FAXDC2: variants seen among roughly 807,000 people sequenced by gnomAD.
FAXDC2 encodes the protein fatty acid hydroxylase domain-containing protein 2.
A neutral mutation model predicts 40.9 loss-of-function variants in FAXDC2; 41 were observed. That is an observed-to-expected ratio of 1.00 (90% CI 0.78 to 1.30). FAXDC2 has a LOEUF of 1.30. Ranked by LOEUF, FAXDC2 falls within the 50% of genes most tolerant of loss-of-function variation. The pLI is 0.00. For missense variants in FAXDC2, 390 were observed against 408.8 expected (o/e 0.95, Z 0.40); for synonymous variants, 157 against 149.3 (o/e 1.05, Z -0.38).
chr5:154,821,463 G>A (rs1416114313), intron 7 of FAXDC2, 37 bp from the exon 8 acceptor site: 1 of 1,568,884 alleles, frequency 6.4e-7, no homozygotes, highest in Non-Finnish European at 8.7e-7. Context: ...AGGGTCCAGG[G>A]AGATGAAGGG....
rs527951462 is a variant in FAXDC2, at chr5:154,830,000, G to C, written c.366+801C>G. ...TTCAAAGGAGTGGGTCAAGAGCACT[G>C]TTTGCCTTTCTGGAGTGCTGGGCTG... On this transcript the variant is annotated intron_variant, in intron 5 of 8. Transcript: ENST00000326080. 2.9e-3 allele frequency among the ~76,000 whole-genome samples: 448 copies of C among 152,340 alleles called. 2 individuals are homozygous for C. The highest frequency in any genetic ancestry group is 0.011 in the African/African-American group (441 of 41,582).
intron 5 of FAXDC2, chr5:154,824,134 C>G (rs927741029): frequency 1.5e-5 from 4 of 265,652 alleles, no homozygotes; most frequent in African/African-American, 8.7e-5. Flanking sequence ...GACCAACTTG[C>G]TGGTTTTCAC....
chr5:154,828,994 A>C (rs1760121071), intron 5 of FAXDC2, among the ~76,000 whole-genome samples: 1 of 147,966 alleles, frequency 6.8e-6, no homozygotes, highest in South Asian at 2.1e-4. Flanking sequence ...ATCTCGGCTC[A>C]CTGTAACCTC....
intron 5 of FAXDC2, among the ~76,000 whole-genome samples, chr5:154,826,779 T>G (rs1272442664): frequency 6.6e-6 from 1 of 152,020 alleles, no homozygotes; most frequent in East Asian, 1.9e-4. Flanking sequence ...TGTGATTACT[T>G]TAGGAGAGAT....
At chr5:154,843,089 G>A (rs1760519878) in intron 1 of FAXDC2, among the ~76,000 whole-genome samples, 1 of 152,206 alleles carries the variant, frequency 6.6e-6, no homozygotes, top group Admixed American at 6.5e-5. Flanking sequence ...ACGTTAGTGT[G>A]GATTTCCCTC....
chr5:154,833,717 G>A (rs1760249872), intron 4 of FAXDC2, among the ~76,000 whole-genome samples: 1 of 151,106 alleles, frequency 6.6e-6, no homozygotes, highest in Non-Finnish European at 1.5e-5. Flanking sequence ...TCGCCCAGCT[G>A]GAGTGCAGTG....
In FAXDC2 at chr5:154,822,550, C is replaced by CTTGTAGAATGTTGGGTGGTGA; in HGVS notation, c.579_599dup (p.Tyr199_Lys200insAsnHisHisProThrPheTyr). On this transcript the variant is annotated inframe_insertion, in exon 7 of 9. Transcript: ENST00000326080. ...ACTCATGGTGTTTCTTGTGGATTTT[C>CTTGTAGAATGTTGGGTGGTGA]TTGTAGAATGTTGGGTGGTGAAGGA... is the stretch of plus-strand genomic sequence containing the variant. 6.2e-7 allele frequency: 1 copy of CTTGTAGAATGTTGGGTGGTGA among 1,614,084 alleles called. No homozygotes were observed. Among genetic ancestry groups the CTTGTAGAATGTTGGGTGGTGA allele is most frequent in the Non-Finnish European group, 8.5e-7 (1 of 1,179,980 alleles).
intron 1 of FAXDC2, among the ~76,000 whole-genome samples, chr5:154,842,285 C>A (rs1413672722): frequency 3.3e-5 from 5 of 152,074 alleles, no homozygotes; most frequent in South Asian, 4.1e-4. Flanking sequence ...GCAACCTCCA[C>A]CTCCTGGGTT....
At chr5:154,849,149 G>A (rs766010750) in intron 1 of FAXDC2, among the ~76,000 whole-genome samples, 20 of 151,808 alleles carry the variant, frequency 1.3e-4, no homozygotes, top group Non-Finnish European at 2.5e-4. Context: ...GTGTGGTGGC[G>A]GGCACCTGTA....
rs563134605 is a variant in FAXDC2, at chr5:154,838,192, G to C, written c.1-14C>G. 6.2e-7 allele frequency: 1 copy of C among 1,612,542 alleles called. No individual in the cohort carries two copies. The highest frequency in any genetic ancestry group is 8.5e-7 in the Non-Finnish European group (1 of 1,179,332). On this transcript the variant is annotated splice_polypyrimidine_tract_variant and intron_variant, in intron 1 of 8. Transcript: ENST00000326080. ...TTCTCCTTTCATCTGGAATGAGAAAGCACAGGCGAGCCGGGGAGTTATTTT... is the reference window on the plus strand; with the variant it reads ...TTCTCCTTTCATCTGGAATGAGAAACCACAGGCGAGCCGGGGAGTTATTTT...
intron 1 of FAXDC2, among the ~76,000 whole-genome samples, chr5:154,844,217 C>CA (rs111475143): frequency 0.014 from 1,919 of 132,512 alleles, 33 homozygotes; most frequent in African/African-American, 0.043. Context: ...GACTCTGTCT[C>CA]AAAAAAAAAA....
intron 1 of FAXDC2, among the ~76,000 whole-genome samples, chr5:154,844,900 G>C (rs1760563455): frequency 6.6e-6 from 1 of 152,186 alleles, no homozygotes; most frequent in Non-Finnish European, 1.5e-5. Flanking sequence ...ATTAGGGGCT[G>C]ATAAGTATGT....
chr5:154,837,280 T>G (rs944939230), intron 2 of FAXDC2, among the ~76,000 whole-genome samples: 5 of 150,742 alleles, frequency 3.3e-5, no homozygotes, highest in Non-Finnish European at 7.4e-5. Context: ...CTTTTTTTTG[T>G]TTTTTTGTTT....
At chr5:154,847,004 C>T (rs1030223828) in intron 1 of FAXDC2, among the ~76,000 whole-genome samples, 3 of 151,754 alleles carry the variant, frequency 2.0e-5, no homozygotes, top group South Asian at 4.2e-4. Flanking sequence ...TGCTCTGTTG[C>T]CGAGACTGAA....
chr5:154,839,625 G>A (rs974438628), intron 1 of FAXDC2, among the ~76,000 whole-genome samples: 2 of 151,438 alleles, frequency 1.3e-5, no homozygotes, highest in African/African-American at 2.4e-5. Flanking sequence ...CAGCCTGGAC[G>A]ACAGAGTGTG....
chr5:154,824,342 C>T, intron 5 of FAXDC2: 1 of 624,638 alleles, frequency 1.6e-6, no homozygotes, highest in Non-Finnish European at 2.9e-6. Flanking sequence ...AGATTACTTC[C>T]TGGATCCTGA....
rs546656387 is a variant in FAXDC2 at position 154,848,984 on chromosome 5, CAA to C, written c.-1+1497_-1+1498del. ...TCTGTCTCAAAAAAACAAAAAAAAA[CAA>C]AGATGAAATGCGGCTGGGCACGTTG... On this transcript the variant is annotated intron_variant, in intron 1 of 8. Coordinates refer to ENST00000326080, the MANE Select transcript of FAXDC2 (RefSeq NM_032385.5). Among the ~76,000 whole-genome samples the C allele has an allele frequency of 1.2e-4, 16 of 138,062 alleles. No homozygotes were observed. In the East Asian group the frequency reaches 2.5e-3, roughly 21 times the overall value. 90.6% of individuals were successfully genotyped at this position (138,062 alleles called of 152,430 possible). A position where few individuals can be genotyped will look rare whatever the true frequency, so the allele number is the denominator to read the frequency against.
At chr5:154,842,529 T>TC (rs1760502695) in intron 1 of FAXDC2, among the ~76,000 whole-genome samples, 1 of 124,768 alleles carries the variant, frequency 8.0e-6, no homozygotes, top group East Asian at 2.3e-4. Context: ...TTTTTTTTTT[T>TC]TTTTTTTTTT....
In FAXDC2 at chr5:154,829,389, A is replaced by G. The variant is rs989837226; in HGVS notation, c.366+1412T>C. ...GTTCAGGGGCCAGTCCTTCCTTGAA[A>G]CAGCCAAAGATTAAATGGCCTCGTG... On this transcript the variant is annotated intron_variant, in intron 5 of 8. Coordinates refer to ENST00000326080, the MANE Select transcript of FAXDC2 (RefSeq NM_032385.5). 63 of 154,026 alleles carry G rather than the reference A, an allele frequency of 4.1e-4. 2 individuals carry two copies. The highest frequency in any genetic ancestry group is 1.5e-5 in the Non-Finnish European group (1 of 68,072). 9.5% of individuals were successfully genotyped at this position (154,026 alleles called of 1,614,324 possible).
Sources: allele counts gnomAD v4.1 joint callset (sites outside exome capture counted in the v4.1 genomes callset), GRCh38; gene constraint gnomAD v4.1.1; transcripts MANE v1.5; gene names NCBI Gene and HGNC (gene_info 2026-07-23, HGNC 2026-07-21).